LHX9: variants seen among roughly 807,000 people sequenced by gnomAD.
The protein encoded by LHX9 is LIM homeobox 9.
Under a neutral mutation model 36.5 loss-of-function variants are expected in LHX9, and 9 were observed. The ratio of observed to expected loss-of-function variants is 0.25; its 90% CI spans 0.15 to 0.43. The LOEUF (loss-of-function observed/expected upper bound fraction) is 0.43, where lower values mean the gene tolerates loss of function less well. LHX9 is among the 20% of genes least tolerant of loss of function. LHX9 has a pLI of 1.00. For synonymous variants in LHX9, 211 were observed against 212.1 expected, an observed-to-expected ratio of 0.99 and a Z score of 0.04; for missense variants, 464 against 526.4, an observed-to-expected ratio of 0.88 and a Z score of 1.16.
Position 197,926,136 on chromosome 1 carries a change from G to C in LHX9, c.734-1455G>C, listed in dbSNP as rs565044058. 3.3e-5 allele frequency among the ~76,000 whole-genome samples: 5 copies of C among 152,294 alleles called. No individual in the cohort carries two copies. The South Asian group carries it at 1.0e-3, about 32-fold the overall frequency. ...CTTGGGTGATGACTACAAAACTTCT[G>C]TATTTCTGTAAATATGCTGATTTGC... On this transcript the variant is annotated intron_variant, in intron 3 of 4. Coordinates refer to ENST00000367387, the MANE Select transcript of LHX9 (RefSeq NM_020204.3).
At chr1:197,928,020 T>C (rs951265371) in intron 4 of LHX9, among the ~76,000 whole-genome samples, 1 of 152,186 alleles carries the variant, frequency 6.6e-6, no homozygotes, top group Non-Finnish European at 1.5e-5. Context: ...TCTCTACATA[T>C]GTGGAGATGG....
At chr1:197,916,122 C>T (rs886698655), upstream of LHX9, 5 of 152,818 alleles carry the variant, frequency 3.3e-5, no homozygotes, top group Admixed American at 2.6e-4. Flanking sequence ...GGTAAAGCCG[C>T]GTTGGTTCCT....
intron 1 of LHX9, chr1:197,918,635 G>T (rs1463861834): frequency 5.9e-6 from 3 of 506,606 alleles, no homozygotes; most frequent in East Asian, 3.1e-5. Context: ...TAAAACATAC[G>T]GAGGAGCGCG....
In LHX9 at chr1:197,931,989, G is replaced by A; in HGVS notation, c.*2730G>A. ...AAAATTCCCTAAAGTATTAAAAGAAGGGGAAAAGTTTGATCGGAAATCCAC... is the reference window on the plus strand; with the variant it reads ...AAAATTCCCTAAAGTATTAAAAGAAAGGGAAAAGTTTGATCGGAAATCCAC... On this transcript the variant is annotated 3_prime_UTR_variant, in exon 5 of 5. Coordinates refer to ENST00000367387, the MANE Select transcript of LHX9 (RefSeq NM_020204.3). 1 of 1,537,506 alleles carries A rather than the reference G, an allele frequency of 6.5e-7. No individual in the cohort carries two copies. The highest frequency in any genetic ancestry group is 8.8e-7 in the Non-Finnish European group (1 of 1,136,740).
Position 197,929,119 on chromosome 1 carries a change from G to A in LHX9, c.1054G>A (p.Ala352Thr), listed in dbSNP as rs376004736. Residue 352 changes from alanine (A) to threonine (T), a missense_variant, in exon 5 of 5, where the codon GCT becomes ACT. Coordinates refer to ENST00000367387, the MANE Select transcript of LHX9 (RefSeq NM_020204.3). ...GGCCCCGCCCTCAGCAGACAGCGGA[G>A]CTCTCACTCCACCCGGCACTGCGAC... is the stretch of plus-strand genomic sequence containing the variant. ...LPAPPSADSG[A>T]LTPPGTATTL... 1 of 1,613,634 alleles carries A rather than the reference G, an allele frequency of 6.2e-7. No individual in the cohort carries two copies. Among genetic ancestry groups the A allele is most frequent in the Non-Finnish European group, 8.5e-7 (1 of 1,179,928 alleles).
At chr1:197,919,603 T>C (rs184110400) in intron 1 of LHX9, among the ~76,000 whole-genome samples, 8 of 152,360 alleles carry the variant, frequency 5.3e-5, no homozygotes, top group African/African-American at 1.9e-4. Context: ...ATCATTTCCG[T>C]TGTTTTATTT....
intron 2 of LHX9, 37 bp downstream of exon 2, chr1:197,920,211 C>T (rs371749257): frequency 5.0e-6 from 8 of 1,593,524 alleles, no homozygotes; most frequent in South Asian, 4.4e-5. Context: ...CGCCCGAGTA[C>T]ACCTGGAGGG....
intron 1 of LHX9, chr1:197,918,607 G>T (rs1659856378): frequency 1.8e-6 from 1 of 551,904 alleles, no homozygotes; most frequent in Non-Finnish European, 3.2e-6. Flanking sequence ...CGGGTGTCAT[G>T]TGTAGGGGGA....
In LHX9 at chr1:197,929,123, T is replaced by A; in HGVS notation, c.1058T>A (p.Leu353His). Reference sequence around the variant, plus strand: ...CCGCCCTCAGCAGACAGCGGAGCTCTCACTCCACCCGGCACTGCGACCACT... The same window carrying A: ...CCGCCCTCAGCAGACAGCGGAGCTCACACTCCACCCGGCACTGCGACCACT... ...PAPPSADSGALTPPGTATTLT... is the reference protein window; with the variant it reads ...PAPPSADSGAHTPPGTATTLT... Residue 353 changes from leucine to histidine, a missense_variant, in exon 5 of 5, where the codon CTC becomes CAC. Transcript: ENST00000367387. 1 of 1,613,740 alleles carries A rather than the reference T, an allele frequency of 6.2e-7. No homozygotes were observed. Among genetic ancestry groups the A allele is most frequent in the Non-Finnish European group, 8.5e-7 (1 of 1,179,892 alleles).
At chr1:197,918,029 G>A (rs775297308) in intron 1 of LHX9, 32 bp downstream of exon 1, 1 of 1,601,832 alleles carries the variant, frequency 6.2e-7, no homozygotes, top group South Asian at 1.1e-5. Context: ...GCGGTAGCCG[G>A]GCACCCCTGC....
In LHX9 at chr1:197,929,427, G is replaced by A. The variant is rs896287814; in HGVS notation, c.*168G>A. The A allele has an allele frequency of 1.7e-6, 2 of 1,143,218 alleles. No homozygotes were observed. The highest frequency in any genetic ancestry group is 2.1e-6 in the Non-Finnish European group (2 of 935,304). The allele number at this position is 1,143,218 out of a possible 1,614,324, so 70.8% of individuals were successfully genotyped here. ...TAGCATCTGCAGCCACTTGGCAAAT[G>A]AGTTTACAGTATTGTCTCCTTTAAG... On this transcript the variant is annotated 3_prime_UTR_variant, in exon 5 of 5. Coordinates refer to ENST00000367387, the MANE Select transcript of LHX9 (RefSeq NM_020204.3).
upstream of LHX9, among the ~76,000 whole-genome samples, chr1:197,914,319 C>T (rs542056343): frequency 6.6e-6 from 1 of 152,232 alleles, no homozygotes; most frequent in East Asian, 1.9e-4. Flanking sequence ...TGTCCCTCAG[C>T]TCAGGAACTG....
chr1:197,923,452 G>C (rs1339299496), intron 3 of LHX9, among the ~76,000 whole-genome samples: 2 of 151,312 alleles, frequency 1.3e-5, no homozygotes, highest in Non-Finnish European at 2.9e-5. Context: ...ATTAATAGAA[G>C]GTGACATTGG....
chr1:197,917,031 G>A (rs936102308), upstream of LHX9, among the ~76,000 whole-genome samples: 1 of 152,128 alleles, frequency 6.6e-6, no homozygotes, highest in African/African-American at 2.4e-5. Flanking sequence ...GCAACAGGGC[G>A]GGGACAACAA....
At position 197,932,828 on chromosome 1, in the gene LHX9, T is replaced by C. The variant is rs1393736032; in HGVS notation, c.*3569T>C. The C allele has an allele frequency of 6.6e-6, 1 of 152,052 alleles. No homozygotes were observed. Among genetic ancestry groups the C allele is most frequent in the African/African-American group, 2.4e-5 (1 of 41,452 alleles). The allele number at this position is 152,052 out of a possible 1,614,324, so 9.4% of individuals were successfully genotyped here. A position where few individuals can be genotyped will look rare whatever the true frequency, so the allele number is the denominator to read the frequency against. ...AATAAAAAACAAAGTGAACCCAAAT[T>C]ACAACAAAATAAACCTTAGAATAAA... On this transcript the variant is annotated 3_prime_UTR_variant, in exon 5 of 5. Transcript: ENST00000367387.
chr1:197,922,193 T>G (rs535504861), intron 3 of LHX9, among the ~76,000 whole-genome samples: 2 of 152,220 alleles, frequency 1.3e-5, no homozygotes, highest in East Asian at 1.9e-4. Context: ...AAAAAGCAGT[T>G]GTAGGGGTGG....
chr1:197,923,249 G>A (rs1276260127), intron 3 of LHX9, among the ~76,000 whole-genome samples: 2 of 152,210 alleles, frequency 1.3e-5, no homozygotes, highest in African/African-American at 2.4e-5. Flanking sequence ...CACCAGGGTC[G>A]GTCAATCTGT....
Position 197,934,440 on chromosome 1 carries a change from C to T in LHX9, c.*5181C>T, listed in dbSNP as rs938499609. On this transcript the variant is annotated 3_prime_UTR_variant, in exon 5 of 5. Coordinates refer to ENST00000367387, the MANE Select transcript of LHX9 (RefSeq NM_020204.3). ...CTGTTGTAAAAAATAAATATAAACA[C>T]CTAATTTTGTATGAAGTTTTGCTAT... 3.9e-5 allele frequency: 6 copies of T among 152,012 alleles called. No individual in the cohort carries two copies. The highest frequency in any genetic ancestry group is 1.2e-4 in the African/African-American group (5 of 41,392). 9.4% of individuals were successfully genotyped at this position (152,012 alleles called of 1,614,324 possible). A position where few individuals can be genotyped will look rare whatever the true frequency, so the allele number is the denominator to read the frequency against.
At chr1:197,923,071 G>A (rs1299921768) in intron 3 of LHX9, among the ~76,000 whole-genome samples, 9 of 152,230 alleles carry the variant, frequency 5.9e-5, no homozygotes, top group Admixed American at 5.9e-4. Flanking sequence ...GTTCTCTACC[G>A]ACTGATCTAA....
Sources: allele counts gnomAD v4.1 joint callset (sites outside exome capture counted in the v4.1 genomes callset), GRCh38; gene constraint gnomAD v4.1.1; transcripts MANE v1.5; gene names NCBI Gene and HGNC (gene_info 2026-07-23, HGNC 2026-07-21).